HK2: variants seen among roughly 807,000 people sequenced by gnomAD.
The protein encoded by HK2 is hexokinase-2.
Under a neutral mutation model 92.9 loss-of-function variants are expected in HK2, and 42 were observed. The ratio of observed to expected loss-of-function variants is 0.45; its 90% CI spans 0.35 to 0.58. The LOEUF (loss-of-function observed/expected upper bound fraction) is 0.58. Ranked by LOEUF, HK2 falls within the 20% of genes least tolerant of loss-of-function variation. The pLI is 0.00. For synonymous variants in HK2, 422 were observed against 468.0 expected (o/e 0.90, Z 1.27); for missense variants, 978 against 1,245.1 (o/e 0.79, Z 3.23).
intron 2 of HK2, among the ~76,000 whole-genome samples, chr2:74,858,258 C>T (rs1440216569): frequency 1.3e-5 from 2 of 152,144 alleles, no homozygotes; most frequent in African/African-American, 4.8e-5. Flanking sequence ...ATGTTTTTCA[C>T]TTTGCAGTTT....
chr2:74,873,184 A>G, intron 4 of HK2, 92 bp from the exon 5 acceptor site: 1 of 934,964 alleles, frequency 1.1e-6, no homozygotes, highest in Non-Finnish European at 1.8e-6. Flanking sequence ...CCCCAGTGGC[A>G]GAGGTCTCTG....
intron 3 of HK2, among the ~76,000 whole-genome samples, chr2:74,868,112 C>T (rs1047523899): frequency 9.2e-5 from 14 of 152,170 alleles, no homozygotes; most frequent in Non-Finnish European, 7.3e-5. Context: ...TTCCCTCTCC[C>T]ACACAAGGCT....
At chr2:74,880,193 A>C in intron 9 of HK2, 72 bp from the exon 10 acceptor site, 1 of 1,542,778 alleles carries the variant, frequency 6.5e-7, no homozygotes, top group South Asian at 1.1e-5. Flanking sequence ...GGCGGTGGGC[A>C]ACTGTCTAAC....
intron 13 of HK2, 44 bp from the exon 14 acceptor site, chr2:74,886,249 AT>A (rs769150404): frequency 7.4e-7 from 1 of 1,353,084 alleles, no homozygotes; most frequent in East Asian, 2.3e-5. Flanking sequence ...AAAGGAGAAT[AT>A]TGGGGTTCAC....
chr2:74,855,243 C>A (rs1052268873), intron 2 of HK2, among the ~76,000 whole-genome samples: 19 of 152,198 alleles, frequency 1.2e-4, no homozygotes, highest in Non-Finnish European at 2.2e-4. Flanking sequence ...GATCCGCCCG[C>A]TTCAGCCTCC....
chr2:74,855,090 G>A (rs903767965), intron 2 of HK2, among the ~76,000 whole-genome samples: 3 of 152,172 alleles, frequency 2.0e-5, no homozygotes, highest in Admixed American at 1.3e-4. Context: ...TCCGCCTCCT[G>A]GGTTCAAGTG....
chr2:74,839,405 A>G (rs973116500), intron 1 of HK2, among the ~76,000 whole-genome samples: 1 of 152,108 alleles, frequency 6.6e-6, no homozygotes, highest in African/African-American at 2.4e-5. Flanking sequence ...ATTTTTGTCT[A>G]TGTTAATTTT....
chr2:74,843,109 A>G (rs149699588), intron 1 of HK2, among the ~76,000 whole-genome samples: 16 of 152,240 alleles, frequency 1.1e-4, no homozygotes, highest in African/African-American at 3.4e-4. Context: ...CTGAAGAGTC[A>G]CAGGACCCGC....
At chr2:74,850,026 A>G (rs1688529875) in intron 1 of HK2, among the ~76,000 whole-genome samples, 1 of 152,258 alleles carries the variant, frequency 6.6e-6, no homozygotes, top group Admixed American at 6.5e-5. Context: ...TCAACACAGG[A>G]TTACTTCACA....
chr2:74,846,953 C>T (rs183801582), intron 1 of HK2, among the ~76,000 whole-genome samples: 35 of 152,214 alleles, frequency 2.3e-4, no homozygotes, highest in Admixed American at 5.2e-4. Flanking sequence ...ATAGATGACC[C>T]GATTGTATCT....
chr2:74,882,589 C>T lies in HK2; in HGVS notation c.1839+350C>T, dbSNP rs190043211. On this transcript the variant is annotated intron_variant, in intron 12 of 17. Coordinates refer to ENST00000290573, the MANE Select transcript of HK2 (RefSeq NM_000189.5). The stretch of plus-strand genomic sequence containing the variant: ...ACTAGCCTAGGCAACATAGGAAGAC[C>T]CCATCTCTATTGAACTTATATATAT... Among the ~76,000 whole-genome samples the T allele has an allele frequency of 5.7e-3, 340 of 59,896 alleles. 2 individuals are homozygous for T. The highest frequency in any genetic ancestry group is 0.01 in the Non-Finnish European group (257 of 25,682). The allele number at this position is 59,896 out of a possible 152,430, so 39.3% of individuals were successfully genotyped here.
rs986585512 is a variant in HK2 at position 74,867,118 on chromosome 2, G to A, written c.227-518G>A. 3.9e-5 allele frequency among the ~76,000 whole-genome samples: 6 copies of A among 152,226 alleles called. No homozygotes were observed. The East Asian group carries it at 9.6e-4, about 24-fold the overall frequency. On this transcript the variant is annotated intron_variant, in intron 2 of 17. Coordinates refer to ENST00000290573, the MANE Select transcript of HK2 (RefSeq NM_000189.5). The stretch of plus-strand genomic sequence containing the variant: ...GCTCTCAGGAGGGGGTGAGCACATC[G>A]TTGGATGCGAAACTGTCTTATATTG...
In HK2 at chr2:74,893,013, TA is replaced by T. The variant is rs1689718483; in HGVS notation, c.*2073del. On this transcript the variant is annotated 3_prime_UTR_variant, in exon 18 of 18. Transcript: ENST00000290573. ...TTAAATTTTAAGCTTGAAGATTAGGTACTATCTGTGAAGTTACACTTTTTTT... is the reference window on the plus strand; with the variant it reads ...TTAAATTTTAAGCTTGAAGATTAGGTCTATCTGTGAAGTTACACTTTTTTT... The T allele has an allele frequency of 6.6e-6, 1 of 151,066 alleles. No homozygotes were observed. The highest frequency in any genetic ancestry group is 1.5e-5 in the Non-Finnish European group (1 of 67,962). 9.4% of individuals were successfully genotyped at this position (151,066 alleles called of 1,614,324 possible).
intron 15 of HK2, 107 bp downstream of exon 15, chr2:74,886,780 G>T: frequency 2.6e-6 from 3 of 1,133,954 alleles, no homozygotes; most frequent in Non-Finnish European, 2.6e-6. Context: ...CTCGTGAGAT[G>T]TTAATAAAGG....
At chr2:74,855,077 A>C (rs532442470) in intron 2 of HK2, among the ~76,000 whole-genome samples, 1 of 152,062 alleles carries the variant, frequency 6.6e-6, no homozygotes, top group African/African-American at 2.4e-5. Context: ...GCTCACCGCA[A>C]CCTCCGCCTC....
At chr2:74,874,734 T>C (rs887680080) in intron 7 of HK2, among the ~76,000 whole-genome samples, 2 of 152,216 alleles carry the variant, frequency 1.3e-5, no homozygotes, top group African/African-American at 2.4e-5. Context: ...TCTTTCCACC[T>C]TCTATTTGTA....
chr2:74,874,109 G>T (rs1477894571), intron 6 of HK2, among the ~76,000 whole-genome samples, 157 bp from the exon 7 acceptor site: 1 of 152,146 alleles, frequency 6.6e-6, no homozygotes, highest in Non-Finnish European at 1.5e-5. Context: ...AGTTGGGGGT[G>T]GCAGAAGATT....
chr2:74,836,934 A>G (rs1310137691), intron 1 of HK2, among the ~76,000 whole-genome samples: 1 of 152,190 alleles, frequency 6.6e-6, no homozygotes, highest in East Asian at 1.9e-4. Flanking sequence ...AGGACGTGGA[A>G]GGCTTGGGTT....
intron 3 of HK2, 25 bp downstream of exon 3, chr2:74,867,809 C>T (rs1688995558): frequency 2.1e-5 from 34 of 1,613,730 alleles, no homozygotes; most frequent in Non-Finnish European, 2.8e-5. Context: ...TCAGGGCAGC[C>T]CCTGGTGACA....
Sources: gnomAD v4.1 joint callset for allele counts (sites outside exome capture counted in the v4.1 genomes callset) on GRCh38, gnomAD v4.1.1 for gene constraint, MANE v1.5 for transcripts, NCBI Gene and HGNC (gene_info 2026-07-23, HGNC 2026-07-21) for gene names.